Variants in CAMTA1 observed in about 807,000 individuals in gnomAD.
CAMTA1 encodes the protein calmodulin binding transcription activator 1.
CAMTA1 carries 27 observed loss-of-function variants against 170.9 expected under a neutral mutation model. The ratio of observed to expected loss-of-function variants is 0.16; its 90% CI spans 0.12 to 0.22. The LOEUF is 0.22. Ranked by LOEUF, CAMTA1 falls within the 10% of genes least tolerant of loss-of-function variation. The pLI, the probability that CAMTA1 is intolerant of heterozygous loss-of-function variation, is 1.00. For missense variants in CAMTA1, 1,619 were observed against 2,217.2 expected (o/e 0.73, Z 5.42); for synonymous variants, 833 against 891.5 (o/e 0.93, Z 1.17).
chr1:7,112,521 GATC>G (rs1265039537), intron 4 of CAMTA1, among the ~76,000 whole-genome samples: 1 of 152,138 alleles, frequency 6.6e-6, no homozygotes, highest in Admixed American at 6.5e-5. Flanking sequence ...ACCAGCCCCA[GATC>G]TGACTCCAGA....
intron 16 of CAMTA1, among the ~76,000 whole-genome samples, chr1:7,740,457 T>G (rs1356007615): frequency 6.6e-6 from 1 of 152,068 alleles, no homozygotes; most frequent in Admixed American, 6.6e-5. Flanking sequence ...CTGAGCAATC[T>G]AGAACTATAT....
intron 6 of CAMTA1, among the ~76,000 whole-genome samples, chr1:7,559,473 A>C (rs2094927891): frequency 1.3e-5 from 2 of 152,222 alleles, no homozygotes; most frequent in African/African-American, 4.8e-5. Flanking sequence ...GAGTGGAATG[A>C]AATTTTAATA....
intron 5 of CAMTA1, among the ~76,000 whole-genome samples, chr1:7,306,141 G>A (rs568954205): frequency 2.0e-5 from 3 of 152,048 alleles, no homozygotes; most frequent in Admixed American, 6.5e-5. Flanking sequence ...CCTATTTAGC[G>A]ATTGTTTCTT....
chr1:7,182,934 A>G (rs1652511745), intron 4 of CAMTA1, among the ~76,000 whole-genome samples: 1 of 152,236 alleles, frequency 6.6e-6, no homozygotes, highest in South Asian at 2.1e-4. Flanking sequence ...CTGTGAAGAG[A>G]CAAGCAATCC....
At position 7,353,451 on chromosome 1, in the gene CAMTA1, G is replaced by A. The variant is rs146630225; in HGVS notation, c.438+103825G>A. Among the ~76,000 whole-genome samples, 840 of 139,528 alleles carry A rather than the reference G, an allele frequency of 6.0e-3. 6 individuals carry two copies. Among genetic ancestry groups the A allele is most frequent in the African/African-American group, 0.021 (808 of 37,640 alleles). 91.5% of individuals were successfully genotyped at this position (139,528 alleles called of 152,430 possible). On this transcript the variant is annotated intron_variant, in intron 5 of 22. Coordinates refer to ENST00000303635, the MANE Select transcript of CAMTA1 (RefSeq NM_015215.4). Reference sequence around the variant, plus strand: ...TCTCTCTTTTTTTTTTTGAGACGGAGTTTTACTCTTGTTGCCCAGGCTGGA... The same window carrying A: ...TCTCTCTTTTTTTTTTTGAGACGGAATTTTACTCTTGTTGCCCAGGCTGGA...
At chr1:7,476,066 C>T (rs1384826834) in intron 6 of CAMTA1, among the ~76,000 whole-genome samples, 3 of 152,238 alleles carry the variant, frequency 2.0e-5, no homozygotes, top group Non-Finnish European at 4.4e-5. Flanking sequence ...CCTGCCCTGG[C>T]CCTTGGCGTC....
intron 5 of CAMTA1, among the ~76,000 whole-genome samples, chr1:7,412,548 A>G (rs1222276594): frequency 6.6e-6 from 1 of 152,212 alleles, no homozygotes; most frequent in African/African-American, 2.4e-5. Context: ...TTGGCTGCAT[A>G]AATATCTTCT....
At chr1:7,085,748 C>T (rs544763770) in intron 3 of CAMTA1, among the ~76,000 whole-genome samples, 28 of 152,354 alleles carry the variant, frequency 1.8e-4, no homozygotes, top group African/African-American at 6.7e-4. Context: ...CAGCCTCTGC[C>T]GTGACCCTCC....
At chr1:7,662,122 G>A (rs1337872426) in intron 8 of CAMTA1, among the ~76,000 whole-genome samples, 1 of 152,228 alleles carries the variant, frequency 6.6e-6, no homozygotes, top group Admixed American at 6.5e-5. Context: ...CCTCCGTGGG[G>A]CAAGAACTGG....
intron 6 of CAMTA1, among the ~76,000 whole-genome samples, chr1:7,607,635 A>G (rs1010663892): frequency 2.0e-5 from 3 of 151,950 alleles, no homozygotes; most frequent in Non-Finnish European, 2.9e-5. Context: ...AAATATTTGG[A>G]TGGATAGGTG....
intron 5 of CAMTA1, among the ~76,000 whole-genome samples, chr1:7,392,312 A>G (rs2088808888): frequency 6.7e-6 from 1 of 148,950 alleles, no homozygotes; most frequent in South Asian, 2.2e-4. Flanking sequence ...CTGGAACGCA[A>G]TGGTGCAATC....
intron 3 of CAMTA1, among the ~76,000 whole-genome samples, chr1:6,885,082 A>G (rs927701844): frequency 6.6e-6 from 1 of 152,248 alleles, no homozygotes; most frequent in African/African-American, 2.4e-5. Flanking sequence ...TTAAAAGAAC[A>G]TTAATGGCTT....
At chr1:6,999,911 C>T (rs770533267) in intron 3 of CAMTA1, among the ~76,000 whole-genome samples, 27 of 152,318 alleles carry the variant, frequency 1.8e-4, no homozygotes, top group Admixed American at 4.6e-4. Flanking sequence ...CTGTAGTGCC[C>T]TGGCCAACCT....
In CAMTA1 at chr1:7,044,202, C is replaced by T. The variant is rs963233277; in HGVS notation, c.235-47102C>T. ...CGCATGGCTGGGGCTGCAGAGCAGG[C>T]GCCCCAGTGTCATGGACCCTGTGGC... On this transcript the variant is annotated intron_variant, in intron 3 of 22. Coordinates refer to ENST00000303635, the MANE Select transcript of CAMTA1 (RefSeq NM_015215.4). This position sits in a 1 kb window ranked among gnomAD's most constrained non-coding sequence, Gnocchi z 5.0. Among the ~76,000 whole-genome samples, 9 of 152,222 alleles carry T rather than the reference C, an allele frequency of 5.9e-5. No homozygotes were observed. The highest frequency in any genetic ancestry group is 3.3e-4 in the Admixed American group (5 of 15,280).
rs1666103067 is a variant in CAMTA1, at chr1:7,248,120, A to G, written c.303-1371A>G. 6.6e-6 allele frequency among the ~76,000 whole-genome samples: 1 copy of G among 152,156 alleles called. No individual in the cohort carries two copies. Among genetic ancestry groups the G allele is most frequent in the Non-Finnish European group, 1.5e-5 (1 of 68,026 alleles). On this transcript the variant is annotated intron_variant, in intron 4 of 22. Coordinates refer to ENST00000303635, the MANE Select transcript of CAMTA1 (RefSeq NM_015215.4). This position sits in a 1 kb window ranked among gnomAD's most constrained non-coding sequence, Gnocchi z 4.0. ...CATAGTGGGGCTGGGTGGAAACTAC[A>G]ATTAGCTGCAGTCACCCTGGTGGGA...
At chr1:7,502,494 C>T (rs968229716) in intron 6 of CAMTA1, among the ~76,000 whole-genome samples, 1 of 152,206 alleles carries the variant, frequency 6.6e-6, no homozygotes, top group African/African-American at 2.4e-5. Flanking sequence ...TGGGCAGGAG[C>T]TCAGCCACGT....
chr1:7,592,920 G>A lies in CAMTA1; in HGVS notation c.511-47480G>A, dbSNP rs762384663. ...TATTGCATTAAACCTCAGCAGGGCC[G>A]AGAGGCAGAACTGCTGTTCCAAGGA... On this transcript the variant is annotated intron_variant, in intron 6 of 22. Coordinates refer to ENST00000303635, the MANE Select transcript of CAMTA1 (RefSeq NM_015215.4). This position sits in a 1 kb window ranked among gnomAD's most constrained non-coding sequence, Gnocchi z 4.6. Among the ~76,000 whole-genome samples, 4 of 152,188 alleles carry A rather than the reference G, an allele frequency of 2.6e-5. No homozygotes were observed. Among genetic ancestry groups the A allele is most frequent in the South Asian group, 2.1e-4 (1 of 4,826 alleles).
chr1:6,820,340 G>A (rs1570444383), intron 2 of CAMTA1, 90 bp downstream of exon 2: 2 of 1,354,806 alleles, frequency 1.5e-6, no homozygotes, highest in African/African-American at 1.4e-5. Flanking sequence ...ACAGCCTTCA[G>A]CCCGGACTCA....
intron 7 of CAMTA1, among the ~76,000 whole-genome samples, chr1:7,654,993 C>CA (rs2095875945): frequency 7.0e-6 from 1 of 142,490 alleles, no homozygotes; most frequent in African/African-American, 2.6e-5. Flanking sequence ...TATACACACA[C>CA]CCACACACAC....
Sources: allele counts gnomAD v4.1 joint callset (sites outside exome capture counted in the v4.1 genomes callset), GRCh38; gene constraint gnomAD v4.1.1; non-coding constraint Gnocchi (gnomAD v3.1); transcripts MANE v1.5; gene names NCBI Gene and HGNC (gene_info 2026-07-23, HGNC 2026-07-21).